ZNF345: variants seen among roughly 807,000 people sequenced by gnomAD.
ZNF345 encodes zinc finger protein 345.
For synonymous variants in ZNF345, 166 were observed against 187.9 expected (o/e 0.88, Z 0.95); for missense variants, 527 against 589.9 (o/e 0.89, Z 1.10).
chr19:36,863,510 A>C (rs1349349804), intron 2 of ZNF345, among the ~76,000 whole-genome samples: 1 of 152,178 alleles, frequency 6.6e-6, no homozygotes, highest in Non-Finnish European at 1.5e-5. Flanking sequence ...GTATGTCCCA[A>C]CTCCAAATTT....
downstream of ZNF345, among the ~76,000 whole-genome samples, chr19:36,882,637 T>TA (rs1240022823): frequency 2.0e-5 from 3 of 152,168 alleles, no homozygotes; most frequent in Non-Finnish European, 2.9e-5. Context: ...ATTCACTAGT[T>TA]ACCTAGGTGT....
downstream of ZNF345, among the ~76,000 whole-genome samples, chr19:36,883,214 A>G (rs1377337808): frequency 6.6e-6 from 1 of 152,208 alleles, no homozygotes; most frequent in Non-Finnish European, 1.5e-5. Context: ...CTCAATTTCT[A>G]TGAAATCACC....
In ZNF345 at chr19:36,877,540, T is replaced by A. The variant is rs2072911149; in HGVS notation, c.710T>A (p.Met237Lys). ...EKPYECKACGMAFSSGSALTR... is the reference protein window; with the variant it reads ...EKPYECKACGKAFSSGSALTR... The stretch of plus-strand genomic sequence containing the variant: ...CCTTATGAATGCAAAGCATGTGGAA[T>A]GGCCTTTAGCAGTGGTTCGGCTCTT... Residue 237 changes from methionine (M) to lysine (K), a missense_variant, in exon 3 of 3, where the codon ATG becomes AAG. Physicochemically the swap from Met to Lys is moderately conservative, Grantham distance 95. Transcript: ENST00000420450. 2 of 1,613,764 alleles carry A rather than the reference T, an allele frequency of 1.2e-6. No homozygotes were observed. Among genetic ancestry groups the A allele is most frequent in the African/African-American group, 2.7e-5 (2 of 74,826 alleles).
intron 2 of ZNF345, among the ~76,000 whole-genome samples, chr19:36,864,972 CAGA>C (rs2072628601): frequency 6.6e-6 from 1 of 152,134 alleles, no homozygotes; most frequent in Non-Finnish European, 1.5e-5. Flanking sequence ...GTTGTCTTAC[CAGA>C]AGCATTTGCT....
intron 2 of ZNF345, chr19:36,862,958 C>T (rs2072583921): frequency 1.3e-5 from 2 of 152,128 alleles, no homozygotes; most frequent in African/African-American, 2.4e-5. Flanking sequence ...AGGATACACA[C>T]AGAGGAAAGA....
At chr19:36,860,146 A>G (rs953086129) in intron 2 of ZNF345, among the ~76,000 whole-genome samples, 6 of 151,930 alleles carry the variant, frequency 3.9e-5, no homozygotes, top group African/African-American at 1.5e-4. Context: ...TTTAGTAGAG[A>G]TGGGGTTTCA....
At chr19:36,853,518 C>T (rs949215026) in intron 2 of ZNF345, among the ~76,000 whole-genome samples, 1 of 152,304 alleles carries the variant, frequency 6.6e-6, no homozygotes, top group African/African-American at 2.4e-5. Context: ...GGATTACAGG[C>T]ATAAGCCACC....
chr19:36,876,777 T>C lies in ZNF345; in HGVS notation c.-46-8T>C, dbSNP rs778997230. ...AAAGTGAATGTTTGCTTTTATATTT[T>C]CTTTCAGACTATGAATCAAAGTTGA... On this transcript the variant is annotated splice_polypyrimidine_tract_variant and splice_region_variant and intron_variant, in intron 2 of 2. Transcript: ENST00000420450. The C allele has an allele frequency of 2.0e-5, 30 of 1,504,598 alleles. No individual in the cohort carries two copies. Among genetic ancestry groups the C allele is most frequent in the Non-Finnish European group, 2.4e-5 (27 of 1,122,316 alleles). 93.2% of individuals were successfully genotyped at this position (1,504,598 alleles called of 1,614,324 possible). A position where few individuals can be genotyped will look rare whatever the true frequency, so the allele number is the denominator to read the frequency against.
chr19:36,877,046 T>A lies in ZNF345; in HGVS notation c.216T>A (p.Ser72Arg). ...GTAAGGAATGTGGGAAGGATTTTAGTTTTGTATCAGTCCTTGTTCGACATC... is the reference window on the plus strand; with the variant it reads ...GTAAGGAATGTGGGAAGGATTTTAGATTTGTATCAGTCCTTGTTCGACATC... Reference protein sequence around the residue: ...LECKECGKDFSFVSVLVRHQR... With the variant: ...LECKECGKDFRFVSVLVRHQR... Residue 72 changes from serine (S) to arginine (R), a missense_variant, in exon 3 of 3, where the codon AGT becomes AGA. Physicochemically the swap from Ser to Arg is moderately radical, Grantham distance 110. Coordinates refer to ENST00000420450, the MANE Select transcript of ZNF345 (RefSeq NM_001242472.2). 6.2e-7 allele frequency: 1 copy of A among 1,614,132 alleles called. No homozygotes were observed. Among genetic ancestry groups the A allele is most frequent in the South Asian group, 1.1e-5 (1 of 91,074 alleles).
intron 2 of ZNF345, among the ~76,000 whole-genome samples, chr19:36,852,383 C>T (rs1259350580): frequency 4.0e-5 from 6 of 151,808 alleles, no homozygotes; most frequent in Admixed American, 1.3e-4. Context: ...GGGGCCAAGG[C>T]GGGCGGATCA....
Position 36,876,978 on chromosome 19 carries a change from A to G in ZNF345, c.148A>G (p.Ile50Val). ...FTPEDMPTFSIQHQRIHTDEK... is the reference protein window; with the variant it reads ...FTPEDMPTFSVQHQRIHTDEK... Reference sequence around the variant, plus strand: ...TCCTGAAGACATGCCCACTTTCAGTATCCAGCATCAGAGAATTCATACTGA... The same window carrying G: ...TCCTGAAGACATGCCCACTTTCAGTGTCCAGCATCAGAGAATTCATACTGA... Residue 50 changes from isoleucine (I) to valine (V), a missense_variant, in exon 3 of 3, where the codon ATC (isoleucine) becomes GTC (valine). Ile to Val is a conservative substitution (Grantham distance 29, BLOSUM62 3). Coordinates refer to ENST00000420450, the MANE Select transcript of ZNF345 (RefSeq NM_001242472.2). 1 of 1,614,196 alleles carries G rather than the reference A, an allele frequency of 6.2e-7. No individual in the cohort carries two copies. Among genetic ancestry groups the G allele is most frequent in the African/African-American group, 1.3e-5 (1 of 75,064 alleles).
chr19:36,878,416 T>C lies in ZNF345; in HGVS notation c.*119T>C. 1 of 862,740 alleles carries C rather than the reference T, an allele frequency of 1.2e-6. No individual in the cohort carries two copies. The highest frequency in any genetic ancestry group is 2.8e-5 in the East Asian group (1 of 36,360). 53.4% of individuals were successfully genotyped at this position (862,740 alleles called of 1,614,324 possible). A position where few individuals can be genotyped will look rare whatever the true frequency, so the allele number is the denominator to read the frequency against. On this transcript the variant is annotated 3_prime_UTR_variant, in exon 3 of 3. Coordinates refer to ENST00000420450, the MANE Select transcript of ZNF345 (RefSeq NM_001242472.2). ...TACTTATGCTTCACAGGTTAGTCAG[T>C]CTAAGAATATTTATACAGGAAAAAA... is the stretch of plus-strand genomic sequence containing the variant.
At chr19:36,892,155 A>G (rs930603104) in intron 3 of ZNF345, 4 of 1,614,134 alleles carry the variant, frequency 2.5e-6, no homozygotes, top group Non-Finnish European at 3.4e-6. Flanking sequence ...CCTTACATTC[A>G]TAGGGTTTTT....
chr19:36,875,107 T>C (rs538061344), intron 2 of ZNF345, among the ~76,000 whole-genome samples: 40 of 152,320 alleles, frequency 2.6e-4, no homozygotes, highest in African/African-American at 9.6e-4. Flanking sequence ...GATATTATCT[T>C]TGTCTTCATG....
intron 2 of ZNF345, among the ~76,000 whole-genome samples, chr19:36,852,110 TTTTTTTTTTCTTTCTTTC>T (rs1440951903): frequency 9.9e-5 from 14 of 141,504 alleles, no homozygotes; most frequent in African/African-American, 3.4e-4. Flanking sequence ...TTTCTTTTTC[TTTTTTTTTTCTTTCTTTC>T]TTTTTTTTTT....
intron 2 of ZNF345, among the ~76,000 whole-genome samples, chr19:36,871,062 C>A (rs1456291775): frequency 6.6e-6 from 1 of 152,204 alleles, no homozygotes; most frequent in African/African-American, 2.4e-5. Flanking sequence ...TTATTTCTCA[C>A]AGTTGTGGAG....
intron 2 of ZNF345, among the ~76,000 whole-genome samples, chr19:36,856,849 CAA>C (rs35856079): frequency 8.7e-4 from 93 of 106,760 alleles, no homozygotes; most frequent in Non-Finnish European, 7.4e-4. Flanking sequence ...GACTCCGTCT[CAA>C]AAAAAAAAAA....
At chr19:36,857,824 G>A (rs993229763) in intron 2 of ZNF345, among the ~76,000 whole-genome samples, 1 of 151,872 alleles carries the variant, frequency 6.6e-6, no homozygotes, top group Non-Finnish European at 1.5e-5. Flanking sequence ...TGTCACCCCG[G>A]CTGGAGTGCA....
At chr19:36,863,749 T>G (rs1353620958) in intron 2 of ZNF345, among the ~76,000 whole-genome samples, 1 of 152,240 alleles carries the variant, frequency 6.6e-6, no homozygotes, top group Non-Finnish European at 1.5e-5. Context: ...AGCTTCTCTT[T>G]ATGCATTTAA....
Sources: allele counts gnomAD v4.1 joint callset (sites outside exome capture counted in the v4.1 genomes callset), GRCh38; gene constraint gnomAD v4.1.1; transcripts MANE v1.5; gene names NCBI Gene and HGNC (gene_info 2026-07-23, HGNC 2026-07-21).